Variants in BMP8A observed in about 807,000 individuals in gnomAD.
The protein encoded by BMP8A is bone morphogenetic protein 8a, also known as BMP-8A.
Under a neutral mutation model 36.8 loss-of-function variants are expected in BMP8A, and 14 were observed. The ratio of observed to expected loss-of-function variants is 0.38; its 90% confidence interval spans 0.25 to 0.60. BMP8A has a LOEUF of 0.60. Among genes scored for constraint, BMP8A ranks in the 20% least tolerant of loss-of-function variants. The pLI, the probability that BMP8A is intolerant of heterozygous loss-of-function variation, is 0.63. For synonymous variants in BMP8A, 120 were observed against 237.7 expected (o/e 0.50, Z 4.55); for missense variants, 267 against 551.1 (o/e 0.48, Z 5.16).
chr1:39,519,649 C>G (rs1291712597), intron 3 of BMP8A, among the ~76,000 whole-genome samples: 1 of 151,290 alleles, frequency 6.6e-6, no homozygotes, highest in Non-Finnish European at 1.5e-5. Flanking sequence ...GACACCAGGG[C>G]TGAGGCACAG....
intron 1 of BMP8A, among the ~76,000 whole-genome samples, chr1:39,493,929 G>T (rs1645183100): frequency 6.6e-6 from 1 of 152,264 alleles, no homozygotes; most frequent in African/African-American, 2.4e-5. Context: ...CATCCCCTGG[G>T]TCAAGGCATG....
rs1325824580 is a variant in BMP8A, at chr1:39,528,698, C to CT, written c.*2900_*2901insT. Among the ~76,000 whole-genome samples, 1 of 131,378 alleles carries CT rather than the reference C, an allele frequency of 7.6e-6. No homozygotes were observed. Among genetic ancestry groups the CT allele is most frequent in the Non-Finnish European group, 1.7e-5 (1 of 58,008 alleles). The allele number at this position is 131,378 out of a possible 152,430, so 86.2% of individuals were successfully genotyped here. A position where few individuals can be genotyped will look rare whatever the true frequency, so the allele number is the denominator to read the frequency against. On this transcript the variant is annotated 3_prime_UTR_variant, in exon 7 of 7. Transcript: ENST00000331593. ...TCGACCTGGCATCAGGTCCTGGCTG[C>CT]CTTTTTTTTTTTTTTTTTAAAGACA... is the stretch of plus-strand genomic sequence containing the variant.
Position 39,525,740 on chromosome 1 carries a change from A to G in BMP8A, c.1151A>G (p.Asn384Ser), listed in dbSNP as rs1645476794. Residue 384 changes from asparagine to serine, a missense_variant, in exon 7 of 7, where the codon AAC becomes AGC. Coordinates refer to ENST00000331593, the MANE Select transcript of BMP8A (RefSeq NM_181809.4). ...ATSVLYYDSS[N>S]NVILRKHRNM... ...TCTGTGCTCTACTATGACAGCAGCAACAACGTCATCCTGCGCAAGCACCGC... is the reference window on the plus strand; with the variant it reads ...TCTGTGCTCTACTATGACAGCAGCAGCAACGTCATCCTGCGCAAGCACCGC... 4 of 1,607,356 alleles carry G rather than the reference A, an allele frequency of 2.5e-6. No individual in the cohort carries two copies. In the African/African-American group the frequency reaches 5.3e-5, roughly 21 times the overall value.
intron 3 of BMP8A, among the ~76,000 whole-genome samples, chr1:39,517,457 A>G (rs1645402184): frequency 1.3e-5 from 2 of 151,872 alleles, no homozygotes; most frequent in Admixed American, 6.6e-5. Flanking sequence ...CTGGGATTAC[A>G]GGCATGTGCC....
chr1:39,501,757 C>T (rs892449228), intron 1 of BMP8A, among the ~76,000 whole-genome samples: 2 of 152,154 alleles, frequency 1.3e-5, no homozygotes, highest in African/African-American at 4.8e-5. Flanking sequence ...GCCATCACAG[C>T]CAGCTGGGAC....
intron 1 of BMP8A, among the ~76,000 whole-genome samples, chr1:39,495,056 G>A (rs923982040): frequency 2.0e-5 from 3 of 152,166 alleles, no homozygotes; most frequent in African/African-American, 7.2e-5. Context: ...GTACCAGGAT[G>A]CTCTCAGTGT....
chr1:39,526,589 C>T lies in BMP8A; in HGVS notation c.*791C>T, dbSNP rs778377356. On this transcript the variant is annotated 3_prime_UTR_variant, in exon 7 of 7. Coordinates refer to ENST00000331593, the MANE Select transcript of BMP8A (RefSeq NM_181809.4). The stretch of plus-strand genomic sequence containing the variant: ...CCTGACCTCAGGTGATCCACCCGCC[C>T]GGCCTCCCAAAGTGTTGGGATGACA... 7.2e-5 allele frequency among the ~76,000 whole-genome samples: 11 copies of T among 152,098 alleles called. No homozygotes were observed. The highest frequency in any genetic ancestry group is 2.1e-4 in the South Asian group (1 of 4,822).
chr1:39,502,354 T>C (rs1645261071), intron 1 of BMP8A, among the ~76,000 whole-genome samples: 1 of 152,194 alleles, frequency 6.6e-6, no homozygotes, highest in Admixed American at 6.5e-5. Flanking sequence ...ATGTGTGTTT[T>C]TGCACACATT....
rs746513275 is a variant in BMP8A, at chr1:39,528,057, C to T, written c.*2259C>T. On this transcript the variant is annotated 3_prime_UTR_variant, in exon 7 of 7. Coordinates refer to ENST00000331593, the MANE Select transcript of BMP8A (RefSeq NM_181809.4). ...ACAAATGTGTGGTCTCTTCAGTGCC[C>T]AGTGTGTAACCTGGCATGGTTTGGG... 6.6e-6 allele frequency among the ~76,000 whole-genome samples: 1 copy of T among 152,200 alleles called. No individual in the cohort carries two copies. The highest frequency in any genetic ancestry group is 1.5e-5 in the Non-Finnish European group (1 of 68,030).
rs772501708 is a variant in BMP8A, at chr1:39,524,672, G to C, written c.1060-977G>C. ...GGCCTGGGGTTCCCTGGGAAGGAGG[G>C]TGGATTTTATTCCAAGCAACCCCAG... On this transcript the variant is annotated intron_variant, in intron 6 of 6. Transcript: ENST00000331593. This position sits in a 1 kb window ranked among gnomAD's most constrained non-coding sequence, Gnocchi z 4.0. Among the ~76,000 whole-genome samples the C allele has an allele frequency of 6.6e-6, 1 of 152,132 alleles. No homozygotes were observed. Among genetic ancestry groups the C allele is most frequent in the Non-Finnish European group, 1.5e-5 (1 of 68,016 alleles).
At chr1:39,508,875 G>C (rs1296621411) in intron 1 of BMP8A, among the ~76,000 whole-genome samples, 1 of 152,222 alleles carries the variant, frequency 6.6e-6, no homozygotes, top group African/African-American at 2.4e-5. Context: ...AGCCAGGGGA[G>C]GCAGTTTCCT....
chr1:39,524,571 G>A lies in BMP8A; in HGVS notation c.1060-1078G>A, dbSNP rs1405749677. 6.6e-6 allele frequency among the ~76,000 whole-genome samples: 1 copy of A among 150,950 alleles called. No homozygotes were observed. Among genetic ancestry groups the A allele is most frequent in the African/African-American group, 2.5e-5 (1 of 40,272 alleles). On this transcript the variant is annotated intron_variant, in intron 6 of 6. Coordinates refer to ENST00000331593, the MANE Select transcript of BMP8A (RefSeq NM_181809.4). This position sits in a 1 kb window ranked among gnomAD's most constrained non-coding sequence, Gnocchi z 4.0. ...CCCTAAGTTCAGGGCCAGCAGGGAG[G>A]AGAGGGGCTGGGTGCAGTGAAGGGG...
chr1:39,515,688 G>C, intron 3 of BMP8A: 1 of 1,575,816 alleles, frequency 6.3e-7, no homozygotes, highest in Admixed American at 1.7e-5. Context: ...GGCGGTGGAG[G>C]TGGGGGCTTC....
At position 39,529,568 on chromosome 1, in the gene BMP8A, C is replaced by T. The variant is rs941420086; in HGVS notation, c.*3770C>T. Among the ~76,000 whole-genome samples the T allele has an allele frequency of 6.6e-6, 1 of 152,158 alleles. No homozygotes were observed. Among genetic ancestry groups the T allele is most frequent in the African/African-American group, 2.4e-5 (1 of 41,430 alleles). ...TGAGCAAACAGTTGCCGCTCTCCAC[C>T]CCCTGCTTTTTAAAAAAAATTTTTT... On this transcript the variant is annotated 3_prime_UTR_variant, in exon 7 of 7. Coordinates refer to ENST00000331593, the MANE Select transcript of BMP8A (RefSeq NM_181809.4).
intron 1 of BMP8A, among the ~76,000 whole-genome samples, chr1:39,508,193 G>C (rs1368829836): frequency 3.3e-5 from 5 of 151,314 alleles, no homozygotes; most frequent in Non-Finnish European, 7.4e-5. Flanking sequence ...GGAGCTTGCA[G>C]TGAGCTGAAA....
Position 39,524,272 on chromosome 1 carries a change from C to T in BMP8A, c.1059+1155C>T, listed in dbSNP as rs1645460295. ...CAGCTCCTGGACTCCATCTCCTCTG[C>T]CCTTGCCCCTGCCCCTCAGGGGCTC... On this transcript the variant is annotated intron_variant, in intron 6 of 6. Transcript: ENST00000331593. The surrounding 1 kb of genome is among the most constrained non-coding windows in gnomAD (Gnocchi z 4.0). Among the ~76,000 whole-genome samples the T allele has an allele frequency of 6.6e-6, 1 of 152,270 alleles. No homozygotes were observed. Among genetic ancestry groups the T allele is most frequent in the Admixed American group, 6.5e-5 (1 of 15,296 alleles).
At position 39,521,256 on chromosome 1, in the gene BMP8A, A is replaced by AC. The variant is rs1411103409; in HGVS notation, c.674-116dup. 1.1e-5 allele frequency: 7 copies of AC among 650,266 alleles called. 1 individual carries two copies. The highest frequency in any genetic ancestry group is 5.2e-5 in the Admixed American group (1 of 19,320). The allele number at this position is 650,266 out of a possible 1,614,324, so 40.3% of individuals were successfully genotyped here. A position where few individuals can be genotyped will look rare whatever the true frequency, so the allele number is the denominator to read the frequency against. ...GATGTGGAAACTGAGGCTCAGCAGG[A>AC]CCCCTTGGGTCCTCAGCCTCCACGC... is the stretch of plus-strand genomic sequence containing the variant. On this transcript the variant is annotated intron_variant, in intron 3 of 6. Transcript: ENST00000331593.
At chr1:39,525,355 G>GAAGT (rs1645472298) in intron 6 of BMP8A, among the ~76,000 whole-genome samples, 1 of 152,102 alleles carries the variant, frequency 6.6e-6, no homozygotes, top group South Asian at 2.1e-4. Context: ...TCCCCAGGAG[G>GAAGT]AAGTCTGAGC....
Position 39,523,022 on chromosome 1 carries a change from C to T in BMP8A, c.964C>T (p.Pro322Ser). 2 of 1,612,134 alleles carry T rather than the reference C, an allele frequency of 1.2e-6. No individual in the cohort carries two copies. The highest frequency in any genetic ancestry group is 1.7e-6 in the Non-Finnish European group (2 of 1,178,944). Residue 322 changes from proline (P) to serine (S), a missense_variant, in exon 6 of 7, where the codon CCC (proline) becomes TCC (serine). Around this residue, in one of 7 missense-constraint regions of BMP8A, gnomAD observed 132 missense variants for 151.3 expected, o/e 0.87. Coordinates refer to ENST00000331593, the MANE Select transcript of BMP8A (RefSeq NM_181809.4). ...TGCCCCCCAGGACTGGGTCATCGCC[C>T]CCCAAGGCTACTCAGCCTATTACTG... ...DLGWLDWVIAPQGYSAYYCEG... is the reference protein window; with the variant it reads ...DLGWLDWVIASQGYSAYYCEG...
Sources: allele counts gnomAD v4.1 joint callset (sites outside exome capture counted in the v4.1 genomes callset), GRCh38; gene constraint gnomAD v4.1.1; regional missense constraint gnomAD v4.1.1; non-coding constraint Gnocchi (gnomAD v3.1); transcripts MANE v1.5; gene names NCBI Gene and HGNC (gene_info 2026-07-23, HGNC 2026-07-21).